The following TMEM232 variants were observed in gnomAD, a reference collection of about 807,000 sequenced individuals.
TMEM232 encodes transmembrane protein 232.
Under a neutral mutation model 78.8 loss-of-function variants are expected in TMEM232, and 80 were observed. The ratio of observed to expected loss-of-function variants is 1.01; its 90% confidence interval spans 0.85 to 1.22. The LOEUF is 1.22. TMEM232 is among the 50% of genes most tolerant of loss of function. TMEM232 has a pLI of 0.00. For missense variants in TMEM232, 881 were observed against 742.2 expected (o/e 1.19, Z -2.17); for synonymous variants, 297 against 254.3 (o/e 1.17, Z -1.60).
At chr5:110,546,962 A>C (rs1046638547) in intron 11 of TMEM232, among the ~76,000 whole-genome samples, 5 of 152,090 alleles carry the variant, frequency 3.3e-5, no homozygotes, top group Non-Finnish European at 7.4e-5. Context: ...CTACCAAAAA[A>C]AAAGAAAAAG....
intron 12 of TMEM232, among the ~76,000 whole-genome samples, chr5:110,499,640 C>CATATATATATAT (rs1461952407): frequency 3.4e-5 from 5 of 145,544 alleles, no homozygotes; most frequent in African/African-American, 1.4e-4. Context: ...CCCCCCCACA[C>CATATATATATAT]ACACACATAT....
At chr5:110,664,835 C>T (rs889583192) in intron 2 of TMEM232, among the ~76,000 whole-genome samples, 2 of 152,180 alleles carry the variant, frequency 1.3e-5, no homozygotes, top group African/African-American at 2.4e-5. Context: ...CTCATCTATG[C>T]CCAATTACCT....
intron 11 of TMEM232, among the ~76,000 whole-genome samples, chr5:110,537,983 C>T (rs906080662): frequency 3.9e-5 from 6 of 152,298 alleles, no homozygotes; most frequent in African/African-American, 1.4e-4. Context: ...TCCTTTAGGG[C>T]AATCACTTGG....
intron 12 of TMEM232, among the ~76,000 whole-genome samples, chr5:110,452,445 G>C (rs1369479803): frequency 1.3e-5 from 2 of 152,062 alleles, no homozygotes; most frequent in African/African-American, 4.8e-5. Flanking sequence ...TGAAGAACAG[G>C]TCGTTTGTTC....
In TMEM232 at chr5:110,567,523, A is replaced by G. The variant is rs546246431; in HGVS notation, c.1455+924T>C. 8.6e-5 allele frequency among the ~76,000 whole-genome samples: 13 copies of G among 152,008 alleles called. No individual in the cohort carries two copies. In the South Asian group the frequency reaches 2.7e-3, roughly 32 times the overall value. On this transcript the variant is annotated intron_variant, in intron 11 of 13. Coordinates refer to ENST00000455884, the MANE Select transcript of TMEM232 (RefSeq NM_001039763.4). ...GTGTTATTACCAAAATTATAAAAAT[A>G]AAATGTTCTTGTGTCCTCTCACTAA... is the stretch of plus-strand genomic sequence containing the variant.
chr5:110,625,271 T>C lies in TMEM232; in HGVS notation c.764A>G (p.Asp255Gly), dbSNP rs541701511. The change falls in exon 7 of 14, where the codon GAT (aspartate) becomes GGT (glycine). Residue 255 changes from aspartate (D) to glycine (G), a missense_variant. Physicochemically the swap from Asp to Gly is moderately conservative, Grantham distance 94 (BLOSUM62 -1). Coordinates refer to ENST00000455884, the MANE Select transcript of TMEM232 (RefSeq NM_001039763.4). ...CCACCATACCAGATTACTCACCATATCAGAATCTGTGTTCTCATATCTTTT... is the reference window on the plus strand; with the variant it reads ...CCACCATACCAGATTACTCACCATACCAGAATCTGTGTTCTCATATCTTTT... ...DKKRYENTDS[D>G]MGGYEINHLL... The C allele has an allele frequency of 5.2e-6, 8 of 1,533,848 alleles. No individual in the cohort carries two copies. In the African/African-American group the frequency reaches 8.3e-5, roughly 16 times the overall value.
chr5:110,435,586 C>T (rs1447283559), intron 12 of TMEM232, among the ~76,000 whole-genome samples: 1 of 151,764 alleles, frequency 6.6e-6, no homozygotes, highest in African/African-American at 2.4e-5. Context: ...TTAATCATCC[C>T]CACTCCCCTC....
chr5:110,718,513 T>C (rs1273169658), intron 1 of TMEM232, among the ~76,000 whole-genome samples: 1 of 152,126 alleles, frequency 6.6e-6, no homozygotes, highest in African/African-American at 2.4e-5. Flanking sequence ...TCTTGCTGCT[T>C]TCCAGATTTT....
intron 13 of TMEM232, among the ~76,000 whole-genome samples, chr5:110,423,871 T>C (rs1342138695): frequency 6.6e-6 from 1 of 151,976 alleles, no homozygotes; most frequent in Admixed American, 6.6e-5. Context: ...CTAGATAATT[T>C]AGTTGAAGTA....
At chr5:110,635,433 C>T (rs1303359128) in intron 5 of TMEM232, among the ~76,000 whole-genome samples, 1 of 151,980 alleles carries the variant, frequency 6.6e-6, no homozygotes, top group Non-Finnish European at 1.5e-5. Flanking sequence ...CCAAAAACCT[C>T]AACAAAATAC....
At chr5:110,704,915 T>C (rs1322249262) in intron 1 of TMEM232, among the ~76,000 whole-genome samples, 4 of 152,086 alleles carry the variant, frequency 2.6e-5, no homozygotes, top group South Asian at 2.1e-4. Flanking sequence ...GTATTTCTTG[T>C]TCTGGGGGTC....
At chr5:110,666,135 A>T (rs1349586253) in intron 2 of TMEM232, among the ~76,000 whole-genome samples, 1 of 152,138 alleles carries the variant, frequency 6.6e-6, no homozygotes, top group Non-Finnish European at 1.5e-5. Context: ...CAAAGAAAAC[A>T]ATTGCACTTT....
At chr5:110,715,817 C>G (rs1278299872) in intron 1 of TMEM232, among the ~76,000 whole-genome samples, 2 of 152,108 alleles carry the variant, frequency 1.3e-5, no homozygotes. Flanking sequence ...CAACACAGAC[C>G]TTAAGTCTGA....
At chr5:110,531,483 C>A (rs768141026) in intron 11 of TMEM232, among the ~76,000 whole-genome samples, 7 of 152,172 alleles carry the variant, frequency 4.6e-5, no homozygotes, top group Non-Finnish European at 8.8e-5. Flanking sequence ...CGGTAAGTGG[C>A]CTCTTTTTAC....
rs556730177 is a variant in TMEM232, at chr5:110,620,253, A to G, written c.769-1691T>C. Among the ~76,000 whole-genome samples the G allele has an allele frequency of 2.0e-5, 3 of 152,310 alleles. No homozygotes were observed. In the South Asian group the frequency reaches 6.2e-4, roughly 32 times the overall value. ...ATACTATTACAAGCTGGTCTGACAC[A>G]GCCAGGTTATTTTGATCTCCTATTG... On this transcript the variant is annotated intron_variant, in intron 7 of 13. Coordinates refer to ENST00000455884, the MANE Select transcript of TMEM232 (RefSeq NM_001039763.4).
At chr5:110,728,406 T>A (rs1798361403), upstream of TMEM232, among the ~76,000 whole-genome samples, 1 of 151,756 alleles carries the variant, frequency 6.6e-6, no homozygotes, top group Admixed American at 6.6e-5. Flanking sequence ...TGAGCACAAT[T>A]TGAAAGAAAA....
At chr5:110,476,119 G>A (rs1451386756) in intron 12 of TMEM232, among the ~76,000 whole-genome samples, 4 of 151,774 alleles carry the variant, frequency 2.6e-5, no homozygotes, top group African/African-American at 4.8e-5. Context: ...ATAATTGAAA[G>A]GAAATATTAC....
chr5:110,693,728 A>G (rs1794420773), intron 1 of TMEM232, among the ~76,000 whole-genome samples: 1 of 152,246 alleles, frequency 6.6e-6, no homozygotes, highest in Non-Finnish European at 1.5e-5. Context: ...AATGAATGAA[A>G]TGAAGCAAGA....
intron 12 of TMEM232, among the ~76,000 whole-genome samples, chr5:110,476,231 T>C (rs1763237255): frequency 6.6e-6 from 1 of 151,998 alleles, no homozygotes; most frequent in Admixed American, 6.6e-5. Context: ...ATGGGGCTTT[T>C]AAAAGGTAAT....
Sources: gnomAD v4.1 joint callset for allele counts (sites outside exome capture counted in the v4.1 genomes callset) on GRCh38, gnomAD v4.1.1 for gene constraint, MANE v1.5 for transcripts, NCBI Gene and HGNC (gene_info 2026-07-23, HGNC 2026-07-21) for gene names.